The following PSD3 variants were observed in gnomAD, a reference collection of about 807,000 sequenced individuals.
PSD3 encodes the protein PH and SEC7 domain-containing protein 3.
In PSD3, 49 loss-of-function variants were observed where a neutral mutation model predicts 105.5. The observed-to-expected ratio is 0.46, with a 90% CI of 0.37 to 0.59. The LOEUF is 0.59. Among genes scored for constraint, PSD3 ranks in the 20% least tolerant of loss-of-function variants. The pLI is 0.00. For synonymous variants in PSD3, 557 were observed against 457.8 expected (o/e 1.22, Z -2.77); for missense variants, 1,561 against 1,263.8 (o/e 1.24, Z -3.57).
At chr8:18,759,266 T>C (rs1437727888) in intron 9 of PSD3, among the ~76,000 whole-genome samples, 1 of 152,158 alleles carries the variant, frequency 6.6e-6, no homozygotes, top group African/African-American at 2.4e-5. Context: ...AGCAATAACC[T>C]AAAAGACTGT....
chr8:18,920,484 G>T (rs796869270), intron 2 of PSD3, among the ~76,000 whole-genome samples: 12 of 152,306 alleles, frequency 7.9e-5, no homozygotes, highest in African/African-American at 2.9e-4. Context: ...CATGAGCGCT[G>T]CTTTCTTGGA....
intron 9 of PSD3, chr8:18,684,072 G>A (rs1800525575): frequency 5.1e-6 from 3 of 591,954 alleles, no homozygotes; most frequent in Middle Eastern, 4.0e-4. Context: ...AGCTTAAGAA[G>A]CACCAGGCTG....
At chr8:18,829,147 T>C (rs971721125) in intron 4 of PSD3, among the ~76,000 whole-genome samples, 4 of 152,090 alleles carry the variant, frequency 2.6e-5, no homozygotes, top group African/African-American at 9.7e-5. Context: ...CTAACGAGGC[T>C]GAGACAGGTG....
intron 9 of PSD3, among the ~76,000 whole-genome samples, chr8:18,670,184 C>T (rs1173721384): frequency 1.3e-5 from 2 of 152,124 alleles, no homozygotes; most frequent in Non-Finnish European, 2.9e-5. Flanking sequence ...GGAGCAGCCA[C>T]GCACAGGTGT....
intron 1 of PSD3, among the ~76,000 whole-genome samples, chr8:18,942,688 G>A (rs1822624689): frequency 1.3e-5 from 2 of 152,244 alleles, no homozygotes; most frequent in South Asian, 2.1e-4. Flanking sequence ...GGGAGAAGGT[G>A]GCCATCTGCA....
At chr8:18,739,346 A>G (rs1039045572) in intron 9 of PSD3, among the ~76,000 whole-genome samples, 1 of 152,192 alleles carries the variant, frequency 6.6e-6, no homozygotes, top group African/African-American at 2.4e-5. Context: ...TATTAGTTAT[A>G]AACTCGCTGT....
chr8:18,851,320 C>T (rs1004474992), intron 4 of PSD3, among the ~76,000 whole-genome samples: 1 of 152,208 alleles, frequency 6.6e-6, no homozygotes. Flanking sequence ...TATTCAGCAC[C>T]TTCTACTCTA....
intron 14 of PSD3, among the ~76,000 whole-genome samples, chr8:18,559,691 G>C (rs1249993246): frequency 6.6e-6 from 1 of 152,032 alleles, no homozygotes; most frequent in Admixed American, 6.6e-5. Flanking sequence ...TCTTCTAAAA[G>C]CTTTAGATTT....
intron 3 of PSD3, among the ~76,000 whole-genome samples, chr8:18,869,282 C>A (rs2129456968): frequency 6.6e-6 from 1 of 151,582 alleles, no homozygotes; most frequent in East Asian, 1.9e-4. Context: ...CTCCGCCTCC[C>A]AGGTTCAAGT....
intron 14 of PSD3, 77 bp downstream of exon 14, chr8:18,572,451 T>C: frequency 6.5e-7 from 1 of 1,533,818 alleles, no homozygotes; most frequent in Non-Finnish European, 8.9e-7. Flanking sequence ...CATGGACTAC[T>C]ATCCAAAGAC....
chr8:18,928,328 T>G (rs992014918), intron 2 of PSD3, among the ~76,000 whole-genome samples: 1 of 152,216 alleles, frequency 6.6e-6, no homozygotes, highest in Non-Finnish European at 1.5e-5. Flanking sequence ...TTGCTCTTCC[T>G]TCGTCTTCCA....
chr8:18,767,156 A>G (rs190051842), intron 8 of PSD3, among the ~76,000 whole-genome samples: 6 of 152,354 alleles, frequency 3.9e-5, no homozygotes, highest in Admixed American at 3.9e-4. Context: ...TAAGGACAAT[A>G]AAGTTTAACA....
intron 1 of PSD3, among the ~76,000 whole-genome samples, chr8:19,058,438 A>G (rs1176981070): frequency 6.7e-6 from 1 of 148,322 alleles, no homozygotes; most frequent in Non-Finnish European, 1.5e-5. Flanking sequence ...GATATATTAC[A>G]TTGTAATATA....
At chr8:18,652,493 GTTTTTT>G (rs67555804) in intron 10 of PSD3, among the ~76,000 whole-genome samples, 1 of 92,596 alleles carries the variant, frequency 1.1e-5, no homozygotes, top group African/African-American at 4.3e-5. Context: ...AAAAAGCTTA[GTTTTTT>G]TTTTTTTTTT....
chr8:18,746,920 G>C (rs1204694368), intron 9 of PSD3, among the ~76,000 whole-genome samples: 1 of 152,242 alleles, frequency 6.6e-6, no homozygotes, highest in Admixed American at 6.5e-5. Context: ...CATTCAGTGA[G>C]GACTGAAAGA....
chr8:18,783,308 A>T (rs1808817480), intron 8 of PSD3, among the ~76,000 whole-genome samples: 3 of 152,196 alleles, frequency 2.0e-5, no homozygotes, highest in African/African-American at 7.2e-5. Flanking sequence ...GCCAATAGTA[A>T]TGCCCTCTTC....
chr8:18,962,844 C>G (rs1350204320), intron 1 of PSD3, among the ~76,000 whole-genome samples: 1 of 152,222 alleles, frequency 6.6e-6, no homozygotes, highest in Non-Finnish European at 1.5e-5. Flanking sequence ...TCACTCCTAT[C>G]TTGCAGATAA....
At chr8:18,819,358 C>T (rs780630173) in intron 4 of PSD3, among the ~76,000 whole-genome samples, 11 of 152,088 alleles carry the variant, frequency 7.2e-5, no homozygotes, top group Admixed American at 2.0e-4. Context: ...AGAACCAGAT[C>T]ATGAGCCTTC....
At chr8:18,926,382 ATCC>A (rs1187673892) in intron 2 of PSD3, among the ~76,000 whole-genome samples, 2 of 151,830 alleles carry the variant, frequency 1.3e-5, no homozygotes, top group African/African-American at 4.8e-5. Flanking sequence ...CTTGGGTGTC[ATCC>A]TCAAGATATC....
Sources: allele counts gnomAD v4.1 joint callset (sites outside exome capture counted in the v4.1 genomes callset), GRCh38; gene constraint gnomAD v4.1.1; transcripts MANE v1.5; gene names NCBI Gene and HGNC (gene_info 2026-07-23, HGNC 2026-07-21).